The following WASL variants were observed in gnomAD, a reference collection of about 807,000 sequenced individuals.
WASL encodes the protein WASP like actin nucleation promoting factor, also known as actin nucleation-promoting factor WASL.
In WASL, 20 loss-of-function variants were observed where a neutral mutation model predicts 55.5. That is an observed-to-expected ratio of 0.36 (90% CI 0.25 to 0.52). The LOEUF is 0.52. Ranked by LOEUF, WASL falls within the 20% of genes least tolerant of loss-of-function variation. WASL has a pLI of 0.92. For synonymous variants in WASL, 249 were observed against 217.6 expected, an observed-to-expected ratio of 1.14 and a Z score of -1.27; for missense variants, 504 against 622.5, an observed-to-expected ratio of 0.81 and a Z score of 2.03.
At chr7:123,704,465 T>C (rs1047670710) in intron 5 of WASL, among the ~76,000 whole-genome samples, 169 bp downstream of exon 5, 2 of 152,156 alleles carry the variant, frequency 1.3e-5, no homozygotes, top group South Asian at 4.1e-4. Flanking sequence ...CAATAAACTG[T>C]ATAATTTGAT....
At chr7:123,694,944 CCTT>C in intron 7 of WASL, 76 bp from the exon 8 acceptor site, 1 of 1,460,104 alleles carries the variant, frequency 6.8e-7, no homozygotes, top group Non-Finnish European at 9.2e-7. Context: ...TCATCTGTGT[CCTT>C]CTGAAATTAT....
intron 1 of WASL, among the ~76,000 whole-genome samples, chr7:123,714,624 G>A (rs972407413): frequency 1.3e-5 from 2 of 152,144 alleles, no homozygotes; most frequent in African/African-American, 4.8e-5. Flanking sequence ...TTCACCAAAT[G>A]TTTATGAAGA....
Position 123,729,368 on chromosome 7 carries a change from T to A in WASL, c.117+19250A>T, listed in dbSNP as rs1804102778. Among the ~76,000 whole-genome samples, 2 of 152,194 alleles carry A rather than the reference T, an allele frequency of 1.3e-5. 1 individual carries two copies. Among genetic ancestry groups the A allele is most frequent in the Admixed American group, 1.3e-4 (2 of 15,278 alleles). The stretch of plus-strand genomic sequence containing the variant: ...CTCAATAGCTCATGTGGCTAATGGC[T>A]ACCAAGTACCATACTGGACAGTGAA... On this transcript the variant is annotated intron_variant, in intron 1 of 10. Transcript: ENST00000223023.
At chr7:123,731,582 A>G (rs1804137283) in intron 1 of WASL, among the ~76,000 whole-genome samples, 1 of 152,232 alleles carries the variant, frequency 6.6e-6, no homozygotes, top group African/African-American at 2.4e-5. Context: ...AACAAATTTA[A>G]AAGAATAGAA....
Position 123,689,212 on chromosome 7 carries a change from GA to G in WASL, c.1348-63del. The G allele has an allele frequency of 5.0e-6, 7 of 1,386,710 alleles. No homozygotes were observed. The South Asian group carries it at 8.4e-5, about 17-fold the overall frequency. 85.9% of individuals were successfully genotyped at this position (1,386,710 alleles called of 1,614,324 possible). A position where few individuals can be genotyped will look rare whatever the true frequency, so the allele number is the denominator to read the frequency against. ...CTTTAGCCAAGAATCTTTGTCTCCA[GA>G]AAGTCCTACTTTCTTAGAATCACTT... On this transcript the variant is annotated intron_variant, in intron 9 of 10. Transcript: ENST00000223023.
At chr7:123,741,417 G>A (rs1187712140) in intron 1 of WASL, among the ~76,000 whole-genome samples, 2 of 152,098 alleles carry the variant, frequency 1.3e-5, no homozygotes, top group South Asian at 2.1e-4. Flanking sequence ...ATCCATCAAC[G>A]ATGCTAGGTG....
chr7:123,695,943 A>G (rs1026187710), intron 6 of WASL, 78 bp from the exon 7 acceptor site: 3 of 1,423,774 alleles, frequency 2.1e-6, no homozygotes, highest in Non-Finnish European at 2.9e-6. Flanking sequence ...ATGAAACCCA[A>G]TCTACATTTG....
At chr7:123,746,699 G>C (rs1448672963) in intron 1 of WASL, among the ~76,000 whole-genome samples, 10 of 152,344 alleles carry the variant, frequency 6.6e-5, no homozygotes, top group East Asian at 3.9e-4. Context: ...TGAATACTGA[G>C]AGCCTATTCA....
Position 123,748,487 on chromosome 7 carries a change from G to A in WASL, c.117+131C>T, listed in dbSNP as rs1018189849. The A allele has an allele frequency of 4.7e-5, 41 of 865,904 alleles. No homozygotes were observed. In the Middle Eastern group the frequency reaches 1.1e-3, roughly 23 times the overall value. The allele number at this position is 865,904 out of a possible 1,614,324, so 53.6% of individuals were successfully genotyped here. A position where few individuals can be genotyped will look rare whatever the true frequency, so the allele number is the denominator to read the frequency against. On this transcript the variant is annotated intron_variant, in intron 1 of 10. Transcript: ENST00000223023. ...GCGAGGGCGCCGACGAGGGGCCGGG[G>A]CCGGGGCCGGGGCTGGCGGGAGGCC... is the stretch of plus-strand genomic sequence containing the variant.
chr7:123,686,969 A>G lies in WASL; in HGVS notation c.1456+2073T>C, dbSNP rs138990599. ...GACCTCTCCTGTGACTTCCAGACTC[A>G]TAACGAAATGCCTACTCCACATCTA... On this transcript the variant is annotated intron_variant, in intron 10 of 10. Coordinates refer to ENST00000223023, the MANE Select transcript of WASL (RefSeq NM_003941.4). Among the ~76,000 whole-genome samples the G allele has an allele frequency of 1.1e-4, 17 of 152,320 alleles. No homozygotes were observed. In the East Asian group the frequency reaches 3.3e-3, roughly 29 times the overall value.
chr7:123,738,308 C>T (rs1487787330), intron 1 of WASL, among the ~76,000 whole-genome samples: 2 of 151,888 alleles, frequency 1.3e-5, no homozygotes, highest in Non-Finnish European at 2.9e-5. Context: ...ATATGTATAC[C>T]ATGTTTCTAG....
rs966888454 is a variant in WASL, at chr7:123,748,830, G to C, written c.-96C>G. 3.8e-6 allele frequency: 4 copies of C among 1,063,868 alleles called. No homozygotes were observed. The African/African-American group carries it at 6.6e-5, about 18-fold the overall frequency. The allele number at this position is 1,063,868 out of a possible 1,614,324, so 65.9% of individuals were successfully genotyped here. ...TCGGTGACAGGGGCGGGGAGAAGTG[G>C]AGTCAGAGGCGCCACATCTCGCAGC... On this transcript the variant is annotated 5_prime_UTR_variant, in exon 1 of 11. Coordinates refer to ENST00000223023, the MANE Select transcript of WASL (RefSeq NM_003941.4).
Position 123,719,479 on chromosome 7 carries a change from G to A in WASL, c.118-10256C>T, listed in dbSNP as rs910418501. On this transcript the variant is annotated intron_variant, in intron 1 of 10. Coordinates refer to ENST00000223023, the MANE Select transcript of WASL (RefSeq NM_003941.4). ...AAGTCAGGCTGGCGAGATGACCCAA[G>A]GAAAGCAAAAAGAGAAAGCAGTAAG... is the stretch of plus-strand genomic sequence containing the variant. Among the ~76,000 whole-genome samples the A allele has an allele frequency of 3.4e-4, 52 of 152,236 alleles. 1 individual carries two copies. Among genetic ancestry groups the A allele is most frequent in the Non-Finnish European group, 2.4e-4 (16 of 68,000 alleles).
In WASL at chr7:123,716,691, G is replaced by A. The variant is rs140633016; in HGVS notation, c.118-7468C>T. On this transcript the variant is annotated intron_variant, in intron 1 of 10. Transcript: ENST00000223023. ...AAAGAGGGAGGCAGGAAGGAAGGGG[G>A]AGAGAAAGAGAGATTTTTGTTTTTT... Among the ~76,000 whole-genome samples the A allele has an allele frequency of 2.5e-3, 378 of 152,122 alleles. 3 individuals carry two copies. The highest frequency in any genetic ancestry group is 8.5e-3 in the African/African-American group (351 of 41,504).
At chr7:123,694,157 G>C (rs751618176) in intron 8 of WASL, among the ~76,000 whole-genome samples, 4 of 152,090 alleles carry the variant, frequency 2.6e-5, no homozygotes, top group Non-Finnish European at 4.4e-5. Flanking sequence ...GGAAAATTTA[G>C]AGTATTTTAT....
In WASL at chr7:123,748,674, A is replaced by G. The variant is rs2116834535; in HGVS notation, c.61T>C (p.Leu21=). ...PRRVTNVGSL[L]LTPQENESLF... is the part of the protein sequence containing the mutation. The stretch of plus-strand genomic sequence containing the variant: ...GACTCGTTCTCCTGCGGGGTGAGCA[A>G]CAGGGACCCCACGTTGGTGACCCTC... The change falls in exon 1 of 11, where the codon TTG becomes CTG. Residue 21 remains leucine (L), a synonymous_variant. Coordinates refer to ENST00000223023, the MANE Select transcript of WASL (RefSeq NM_003941.4). 3 of 1,612,848 alleles carry G rather than the reference A, an allele frequency of 1.9e-6. No individual in the cohort carries two copies. The highest frequency in any genetic ancestry group is 2.5e-6 in the Non-Finnish European group (3 of 1,179,508).
intron 5 of WASL, among the ~76,000 whole-genome samples, chr7:123,702,077 G>A (rs1398702011): frequency 3.3e-5 from 5 of 150,960 alleles, no homozygotes; most frequent in South Asian, 2.1e-4. Context: ...TTTTTGAGAC[G>A]GAGTCTTGCT....
rs1050924146 is a variant in WASL, at chr7:123,748,968, G to A, written c.-234C>T. The stretch of plus-strand genomic sequence containing the variant: ...CCGGCACCCGCCCGGCCAGGCTAGG[G>A]CCGGATGGTCGTTGTCCTCGCACTC... On this transcript the variant is annotated 5_prime_UTR_variant, in exon 1 of 11. Transcript: ENST00000223023. 14 of 552,114 alleles carry A rather than the reference G, an allele frequency of 2.5e-5. No homozygotes were observed. Among genetic ancestry groups the A allele is most frequent in the Non-Finnish European group, 1.3e-5 (4 of 313,628 alleles). 34.2% of individuals were successfully genotyped at this position (552,114 alleles called of 1,614,324 possible). A position where few individuals can be genotyped will look rare whatever the true frequency, so the allele number is the denominator to read the frequency against.
At chr7:123,699,785 C>T (rs1019406418) in intron 5 of WASL, among the ~76,000 whole-genome samples, 1 of 152,062 alleles carries the variant, frequency 6.6e-6, no homozygotes, top group Admixed American at 6.5e-5. Flanking sequence ...AGACTGTTTC[C>T]CCTCTTTCTC....
Sources: allele counts gnomAD v4.1 joint callset (sites outside exome capture counted in the v4.1 genomes callset), GRCh38; gene constraint gnomAD v4.1.1; transcripts MANE v1.5; gene names NCBI Gene and HGNC (gene_info 2026-07-23, HGNC 2026-07-21).